Variants in RINL observed in about 807,000 individuals in gnomAD.
RINL encodes the protein Ras and Rab interactor like.
In RINL, 39 loss-of-function variants were observed where a neutral mutation model predicts 58.1. That is an observed-to-expected ratio of 0.67 (90% CI 0.52 to 0.88). The LOEUF is 0.88. Ranked by LOEUF, RINL falls within the 40% of genes least tolerant of loss-of-function variation. The probability of loss-of-function intolerance (pLI) is 0.00; values close to 1 mark genes in which losing one functional copy is unlikely to be tolerated. For synonymous variants in RINL, 286 were observed against 323.1 expected, an observed-to-expected ratio of 0.89 and a Z score of 1.23; for missense variants, 711 against 749.2, an observed-to-expected ratio of 0.95 and a Z score of 0.60.
Position 38,876,325 on chromosome 19 carries a change from A to T in RINL, c.210+6T>A. 1 of 1,535,310 alleles carries T rather than the reference A, an allele frequency of 6.5e-7. No homozygotes were observed. The highest frequency in any genetic ancestry group is 8.7e-7 in the Non-Finnish European group (1 of 1,146,494). On this transcript the variant is annotated splice_donor_region_variant and intron_variant, in intron 3 of 11. Transcript: ENST00000591812. The stretch of plus-strand genomic sequence containing the variant: ...TCAGGATGGGCCCCCAGCTGTGAGT[A>T]CTCACCCCTAGTGGCCACAGCCCCA...
In RINL at chr19:38,869,485, G is replaced by GC; in HGVS notation, c.1475-76dup. ...CCCCAAATCCCCCTGCAGTTTGCCT[G>GC]CCGTCCCTCCTGCTGCGGGGGGAGG... On this transcript the variant is annotated intron_variant, in intron 10 of 11. Coordinates refer to ENST00000591812, the MANE Select transcript of RINL (RefSeq NM_001195833.2). This position sits in a 1 kb window ranked among gnomAD's most constrained non-coding sequence, Gnocchi z 5.7. 3.2e-6 allele frequency: 5 copies of GC among 1,584,470 alleles called. No homozygotes were observed. The highest frequency in any genetic ancestry group is 4.3e-6 in the Non-Finnish European group (5 of 1,162,888).
intron 3 of RINL, 33 bp from the exon 4 acceptor site, chr19:38,874,021 AGG>A: frequency 7.6e-7 from 1 of 1,308,988 alleles, no homozygotes; most frequent in South Asian, 1.3e-5. Context: ...AGCGTGACAA[AGG>A]TGTGCGCAGA....
Position 38,870,394 on chromosome 19 carries a change from T to A in RINL, c.1025-134A>T. 9.8e-7 allele frequency: 1 copy of A among 1,020,960 alleles called. No homozygotes were observed. Among genetic ancestry groups the A allele is most frequent in the Non-Finnish European group, 1.4e-6 (1 of 728,578 alleles). 63.2% of individuals were successfully genotyped at this position (1,020,960 alleles called of 1,614,324 possible). ...TCCCCCGTGAGTGTAGACATGGTTGTGAACATGTGTGGAAGAGTTAGCCTG... is the reference window on the plus strand; with the variant it reads ...TCCCCCGTGAGTGTAGACATGGTTGAGAACATGTGTGGAAGAGTTAGCCTG... On this transcript the variant is annotated intron_variant, in intron 8 of 11. Coordinates refer to ENST00000591812, the MANE Select transcript of RINL (RefSeq NM_001195833.2). This position sits in a 1 kb window ranked among gnomAD's most constrained non-coding sequence, Gnocchi z 5.8.
chr19:38,874,087 C>T (rs1972869163), intron 3 of RINL, 99 bp from the exon 4 acceptor site: 2 of 701,108 alleles, frequency 2.9e-6, no homozygotes, highest in Admixed American at 4.7e-5. Flanking sequence ...GGGTTCCACA[C>T]CCCAAATTTC....
In RINL at chr19:38,869,101, C is replaced by CTGGT; in HGVS notation, c.*2_*3insACCA. 1 of 1,593,240 alleles carries CTGGT rather than the reference C, an allele frequency of 6.3e-7. No individual in the cohort carries two copies. The highest frequency in any genetic ancestry group is 1.1e-5 in the South Asian group (1 of 88,814). ...CAGGCATGAACGGAGGGGTGTGAAA[C>CTGGT]CCCTAGTTGTCACTGGTCCCTGTCA... On this transcript the variant is annotated 3_prime_UTR_variant, in exon 12 of 12. Transcript: ENST00000591812. This position sits in a 1 kb window ranked among gnomAD's most constrained non-coding sequence, Gnocchi z 5.7.
At chr19:38,872,054 C>T (rs1972827054) in intron 4 of RINL, among the ~76,000 whole-genome samples, 184 bp from the exon 5 acceptor site, 1 of 152,174 alleles carries the variant, frequency 6.6e-6, no homozygotes, top group South Asian at 2.1e-4. Context: ...AACAAGGATT[C>T]ATTCATTAGA....
Position 38,868,733 on chromosome 19 carries a change from GA to G in RINL, c.*370del, listed in dbSNP as rs370719583. ...TGGTTTAGGAGCAGCAAGGAGGAGGGAGGGGTCCCAGGAAAAGGGAACAGCC... is the reference window on the plus strand; with the variant it reads ...TGGTTTAGGAGCAGCAAGGAGGAGGGGGGGTCCCAGGAAAAGGGAACAGCC... On this transcript the variant is annotated 3_prime_UTR_variant, in exon 12 of 12. Transcript: ENST00000591812. The G allele has an allele frequency of 4.8e-3, 882 of 184,140 alleles. 9 individuals are homozygous for G. Among genetic ancestry groups the G allele is most frequent in the African/African-American group, 0.019 (827 of 42,686 alleles). The allele number at this position is 184,140 out of a possible 1,614,324, so 11.4% of individuals were successfully genotyped here.
At position 38,868,965 on chromosome 19, in the gene RINL, TG is replaced by T; in HGVS notation, c.*138del. 37 of 760,438 alleles carry T rather than the reference TG, an allele frequency of 4.9e-5. No homozygotes were observed. The highest frequency in any genetic ancestry group is 3.5e-4 in the Middle Eastern group (1 of 2,876). The allele number at this position is 760,438 out of a possible 1,614,324, so 47.1% of individuals were successfully genotyped here. A position where few individuals can be genotyped will look rare whatever the true frequency, so the allele number is the denominator to read the frequency against. On this transcript the variant is annotated 3_prime_UTR_variant, in exon 12 of 12. Transcript: ENST00000591812. Reference sequence around the variant, plus strand: ...TACGCCACCACGCCCGGCTAATTTTTGTTTTTTTTTTTTTTTGGTAGATGGG... The same window carrying T: ...TACGCCACCACGCCCGGCTAATTTTTTTTTTTTTTTTTTTTGGTAGATGGG...
rs1171738310 is a variant in RINL at position 38,868,288 on chromosome 19, C to G, written c.*816G>C. The G allele has an allele frequency of 6.6e-6, 1 of 151,690 alleles. No individual in the cohort carries two copies. The highest frequency in any genetic ancestry group is 1.5e-5 in the Non-Finnish European group (1 of 67,940). 9.4% of individuals were successfully genotyped at this position (151,690 alleles called of 1,614,324 possible). On this transcript the variant is annotated 3_prime_UTR_variant, in exon 12 of 12. Transcript: ENST00000591812. Reference sequence around the variant, plus strand: ...TTTTTTAAATTGTAGTTACTATGAACAATGAAATACATAAATATATGGTTT... The same window carrying G: ...TTTTTTAAATTGTAGTTACTATGAAGAATGAAATACATAAATATATGGTTT...
Position 38,870,135 on chromosome 19 carries a change from G to T in RINL, c.1150C>A (p.Arg384=), listed in dbSNP as rs112991515. 3.5e-6 allele frequency: 5 copies of T among 1,416,296 alleles called. No individual in the cohort carries two copies. Among genetic ancestry groups the T allele is most frequent in the Admixed American group, 3.3e-5 (1 of 30,506 alleles). 87.7% of individuals were successfully genotyped at this position (1,416,296 alleles called of 1,614,324 possible). A position where few individuals can be genotyped will look rare whatever the true frequency, so the allele number is the denominator to read the frequency against. ...RRLRRRQTAL[R]AGAGPPGAQG... ...GCCCCCGGAGGCCCCGCCCCCGCCC[G>T]CAGGGCTGTCTGTCGCCGCCGCAGC... Residue 384 remains arginine, a synonymous_variant, in exon 9 of 12, where the codon CGG becomes AGG. Transcript: ENST00000591812. The surrounding 1 kb of genome is among the most constrained non-coding windows in gnomAD (Gnocchi z 5.8).
Position 38,868,251 on chromosome 19 carries a change from GTTTCT to G in RINL, c.*848_*852del, listed in dbSNP as rs1204815521. ...TGAGCAACCGCACCCGGCCTCACTT[GTTTCT>G]TTTTAGTTTTTTAAATTGTAGTTAC... On this transcript the variant is annotated 3_prime_UTR_variant, in exon 12 of 12. Coordinates refer to ENST00000591812, the MANE Select transcript of RINL (RefSeq NM_001195833.2). The G allele has an allele frequency of 6.6e-6, 1 of 152,066 alleles. No individual in the cohort carries two copies. Among genetic ancestry groups the G allele is most frequent in the African/African-American group, 2.4e-5 (1 of 41,402 alleles). The allele number at this position is 152,066 out of a possible 1,614,324, so 9.4% of individuals were successfully genotyped here. A position where few individuals can be genotyped will look rare whatever the true frequency, so the allele number is the denominator to read the frequency against.
intron 3 of RINL, among the ~76,000 whole-genome samples, chr19:38,874,565 C>T (rs1289738198): frequency 1.3e-5 from 2 of 152,152 alleles, no homozygotes; most frequent in Non-Finnish European, 2.9e-5. Flanking sequence ...TGAGCCACTG[C>T]GTGCTGGAGC....
intron 3 of RINL, among the ~76,000 whole-genome samples, chr19:38,875,007 C>T (rs113904571): frequency 6.0e-5 from 9 of 150,146 alleles, no homozygotes; most frequent in African/African-American, 1.7e-4. Context: ...TAATGGCGGG[C>T]GCCTGTAATC....
At chr19:38,872,683 G>A (rs1972839429) in intron 4 of RINL, among the ~76,000 whole-genome samples, 1 of 151,820 alleles carries the variant, frequency 6.6e-6, no homozygotes, top group Non-Finnish European at 1.5e-5. Context: ...AAGCCAGCCT[G>A]GCCAACATGG....
At position 38,870,833 on chromosome 19, in the gene RINL, C is replaced by A; in HGVS notation, c.761G>T (p.Gly254Val). 6.2e-7 allele frequency: 1 copy of A among 1,609,168 alleles called. No homozygotes were observed. Among genetic ancestry groups the A allele is most frequent in the Non-Finnish European group, 8.5e-7 (1 of 1,179,982 alleles). Reference protein sequence around the residue: ...EGREDDPEEEGPEDVLTIHVQ... With the variant: ...EGREDDPEEEVPEDVLTIHVQ... Reference sequence around the variant, plus strand: ...GTGAATGGTGAGCACGTCCTCAGGGCCTTCCTCTTCAGGGTCGTCCTCCCT... The same window carrying A: ...GTGAATGGTGAGCACGTCCTCAGGGACTTCCTCTTCAGGGTCGTCCTCCCT... The change falls in exon 8 of 12, where the codon GGC (glycine) becomes GTC (valine). Residue 254 changes from glycine (G) to valine (V), a missense_variant. Gly to Val is a moderately radical substitution (Grantham distance 109). Transcript: ENST00000591812. The surrounding 1 kb of genome is among the most constrained non-coding windows in gnomAD (Gnocchi z 5.8).
Position 38,871,723 on chromosome 19 carries a change from G to C in RINL, c.387-12C>G. ...TGGGCAGAACATCCCTGAGAATAAA[G>C]AGGTGGGAGCCACAGTGTCAGTGGG... On this transcript the variant is annotated splice_polypyrimidine_tract_variant and intron_variant, in intron 5 of 11. Coordinates refer to ENST00000591812, the MANE Select transcript of RINL (RefSeq NM_001195833.2). 6.2e-7 allele frequency: 1 copy of C among 1,614,182 alleles called. No individual in the cohort carries two copies. The highest frequency in any genetic ancestry group is 8.5e-7 in the Non-Finnish European group (1 of 1,180,036).
In RINL at chr19:38,870,385, A is replaced by G; in HGVS notation, c.1025-125T>C. 1 of 1,047,456 alleles carries G rather than the reference A, an allele frequency of 9.5e-7. No individual in the cohort carries two copies. Among genetic ancestry groups the G allele is most frequent in the Non-Finnish European group, 1.3e-6 (1 of 753,606 alleles). 64.9% of individuals were successfully genotyped at this position (1,047,456 alleles called of 1,614,324 possible). Reference sequence around the variant, plus strand: ...TAGCTCTGGTCCCCCGTGAGTGTAGACATGGTTGTGAACATGTGTGGAAGA... The same window carrying G: ...TAGCTCTGGTCCCCCGTGAGTGTAGGCATGGTTGTGAACATGTGTGGAAGA... On this transcript the variant is annotated intron_variant, in intron 8 of 11. Coordinates refer to ENST00000591812, the MANE Select transcript of RINL (RefSeq NM_001195833.2). The surrounding 1 kb of genome is among the most constrained non-coding windows in gnomAD (Gnocchi z 5.8).
rs1032866369 is a variant in RINL at position 38,876,313 on chromosome 19, C to T, written c.210+18G>A. On this transcript the variant is annotated intron_variant, in intron 3 of 11. Transcript: ENST00000591812. ...TAATCTAGGGTGTCAGGATGGGCCC[C>T]CAGCTGTGAGTACTCACCCCTAGTG... 6.5e-7 allele frequency: 1 copy of T among 1,532,616 alleles called. No individual in the cohort carries two copies. Among genetic ancestry groups the T allele is most frequent in the Non-Finnish European group, 8.7e-7 (1 of 1,144,722 alleles). 94.9% of individuals were successfully genotyped at this position (1,532,616 alleles called of 1,614,324 possible).
At position 38,870,011 on chromosome 19, in the gene RINL, C is replaced by A. The variant is rs768327473; in HGVS notation, c.1274G>T (p.Arg425Leu). 3.2e-6 allele frequency: 5 copies of A among 1,580,830 alleles called. No individual in the cohort carries two copies. The highest frequency in any genetic ancestry group is 4.3e-6 in the Non-Finnish European group (5 of 1,166,240). The change falls in exon 9 of 12, where the codon CGC becomes CTC. Residue 425 changes from arginine to leucine, a missense_variant. Coordinates refer to ENST00000591812, the MANE Select transcript of RINL (RefSeq NM_001195833.2). This position sits in a 1 kb window ranked among gnomAD's most constrained non-coding sequence, Gnocchi z 5.8. ...CACCTCCAAGAGGAGCGCCACCTTG[C>A]GGCGCGGGGCGCAGGCAGCGTGGAG... ...AHLHAACAPR[R>L]KVALLLEVCR...
Sources: allele counts gnomAD v4.1 joint callset (sites outside exome capture counted in the v4.1 genomes callset), GRCh38; gene constraint gnomAD v4.1.1; non-coding constraint Gnocchi (gnomAD v3.1); transcripts MANE v1.5; gene names NCBI Gene and HGNC (gene_info 2026-07-23, HGNC 2026-07-21).